Variants in PDE11A observed in about 807,000 individuals in gnomAD.
PDE11A encodes phosphodiesterase 11A.
In PDE11A, 100 loss-of-function variants were observed where a neutral mutation model predicts 100.5. That is an observed-to-expected ratio of 1.00 (90% CI 0.85 to 1.18). The LOEUF is 1.18. Ranked by LOEUF, PDE11A falls within the 50% of genes most tolerant of loss-of-function variation. The pLI is 0.00. For missense variants in PDE11A, 1,141 were observed against 1,152.6 expected (o/e 0.99, Z 0.15); for synonymous variants, 381 against 420.8 (o/e 0.91, Z 1.16).
At chr2:177,957,641 C>T (rs2085581454) in intron 2 of PDE11A, among the ~76,000 whole-genome samples, 1 of 152,158 alleles carries the variant, frequency 6.6e-6, no homozygotes, top group Non-Finnish European at 1.5e-5. Flanking sequence ...GATGGAGGCC[C>T]TCTCTCTTGT....
intron 2 of PDE11A, among the ~76,000 whole-genome samples, chr2:177,957,630 A>G (rs1455042893): frequency 6.6e-6 from 1 of 152,196 alleles, no homozygotes; most frequent in Admixed American, 6.5e-5. Context: ...TAGAGATAAG[A>G]GATGGAGGCC....
intron 10 of PDE11A, among the ~76,000 whole-genome samples, chr2:177,761,619 AG>A (rs1364699186): frequency 6.6e-6 from 1 of 152,224 alleles, no homozygotes; most frequent in East Asian, 1.9e-4. Flanking sequence ...AAGGCAAATG[AG>A]AAGGTCACTT....
chr2:178,055,638 C>T (rs1438526890), intron 1 of PDE11A, among the ~76,000 whole-genome samples: 1 of 152,002 alleles, frequency 6.6e-6, no homozygotes, highest in Non-Finnish European at 1.5e-5. Flanking sequence ...AATGGACCAA[C>T]TAATATTTCT....
At chr2:177,933,638 A>ACC (rs1356766368) in intron 2 of PDE11A, among the ~76,000 whole-genome samples, 4 of 152,066 alleles carry the variant, frequency 2.6e-5, no homozygotes, top group African/African-American at 9.7e-5. Context: ...CCGAGACCAC[A>ACC]CCACTACACT....
chr2:177,769,258 A>C, intron 10 of PDE11A, 65 bp downstream of exon 10: 2 of 891,418 alleles, frequency 2.2e-6, no homozygotes, highest in Non-Finnish European at 3.8e-6. Context: ...GGCATGTGAC[A>C]GAGCTCAGGA....
At chr2:178,008,837 T>C (rs1005123659) in intron 2 of PDE11A, among the ~76,000 whole-genome samples, 8 of 152,012 alleles carry the variant, frequency 5.3e-5, no homozygotes, top group African/African-American at 1.9e-4. Flanking sequence ...CTTTATGGGG[T>C]GGCGGAACAT....
At chr2:177,769,145 G>C (rs1263544284) in intron 10 of PDE11A, among the ~76,000 whole-genome samples, 178 bp downstream of exon 10, 1 of 152,072 alleles carries the variant, frequency 6.6e-6, no homozygotes, top group Non-Finnish European at 1.5e-5. Context: ...TGACTACTCA[G>C]TTATACAAAA....
rs527470865 is a variant in PDE11A, at chr2:177,707,068, T to C, written c.2153+4701A>G. 3.3e-5 allele frequency among the ~76,000 whole-genome samples: 5 copies of C among 152,280 alleles called. No individual in the cohort carries two copies. In the East Asian group the frequency reaches 7.7e-4, roughly 23 times the overall value. On this transcript the variant is annotated intron_variant, in intron 13 of 19. Transcript: ENST00000286063. ...AAACTGGAAGCTCAACAACTCAAAA[T>C]AGATGTCACAAAGTCATGGACCAGA... is the stretch of plus-strand genomic sequence containing the variant.
intron 10 of PDE11A, among the ~76,000 whole-genome samples, chr2:177,745,986 T>A (rs2081942784): frequency 6.6e-6 from 1 of 152,150 alleles, no homozygotes; most frequent in Non-Finnish European, 1.5e-5. Context: ...TCAATGCCTT[T>A]CAATAGTCCT....
chr2:178,096,169 CTT>C (rs71010857), intron 2 of PDE11A, among the ~76,000 whole-genome samples: 2 of 120,060 alleles, frequency 1.7e-5, no homozygotes. Context: ...CTTTTCTTTT[CTT>C]TTTTTTTTTT....
chr2:177,943,993 C>T (rs775157457), intron 2 of PDE11A, among the ~76,000 whole-genome samples: 2 of 152,136 alleles, frequency 1.3e-5, no homozygotes, highest in South Asian at 4.1e-4. Context: ...TTTTAAATGT[C>T]CTTTACACAT....
At chr2:177,822,090 G>T (rs2083150059) in intron 6 of PDE11A, among the ~76,000 whole-genome samples, 1 of 151,764 alleles carries the variant, frequency 6.6e-6, no homozygotes, top group African/African-American at 2.4e-5. Flanking sequence ...TCCCTAATAT[G>T]ATATAGGCAA....
At chr2:177,809,180 G>T (rs2105566385) in intron 9 of PDE11A, among the ~76,000 whole-genome samples, 1 of 152,286 alleles carries the variant, frequency 6.6e-6, no homozygotes, top group South Asian at 2.1e-4. Flanking sequence ...TCTGGAGATG[G>T]ATAGTGGTGA....
chr2:177,857,928 G>A (rs1032619523), intron 5 of PDE11A, among the ~76,000 whole-genome samples: 11 of 151,774 alleles, frequency 7.2e-5, no homozygotes, highest in Admixed American at 2.6e-4. Flanking sequence ...TTTAAAAAAC[G>A]GTTACTAGAG....
At chr2:177,777,112 C>T (rs1425818312) in intron 9 of PDE11A, among the ~76,000 whole-genome samples, 1 of 152,138 alleles carries the variant, frequency 6.6e-6, no homozygotes, top group Admixed American at 6.5e-5. Flanking sequence ...TCAATTAAAC[C>T]TCTTTCCTTT....
At chr2:177,937,337 T>TTTTTTGG in intron 2 of PDE11A, among the ~76,000 whole-genome samples, 1 of 145,974 alleles carries the variant, frequency 6.9e-6, no homozygotes, top group Admixed American at 6.8e-5. Context: ...TTTTTTTTTT[T>TTTTTTGG]GATGGAGTCT....
intron 5 of PDE11A, among the ~76,000 whole-genome samples, chr2:177,872,025 T>C (rs1471383819): frequency 6.6e-6 from 1 of 152,182 alleles, no homozygotes; most frequent in Non-Finnish European, 1.5e-5. Context: ...TCTGGAGGCC[T>C]GGTGAAATCT....
chr2:177,885,294 C>A (rs2084412765), intron 4 of PDE11A, among the ~76,000 whole-genome samples: 1 of 151,834 alleles, frequency 6.6e-6, no homozygotes, highest in Admixed American at 6.6e-5. Context: ...GGTTCTGCAT[C>A]CACAACCAAA....
At chr2:177,782,922 AAAAC>A (rs57261659) in intron 9 of PDE11A, among the ~76,000 whole-genome samples, 109,375 of 150,316 alleles carry the variant, frequency 0.73, 40,646 homozygotes, top group Admixed American at 0.83. Context: ...AAGTTGCATC[AAAAC>A]AAACAAACAA....
Sources: allele counts gnomAD v4.1 joint callset (sites outside exome capture counted in the v4.1 genomes callset), GRCh38; gene constraint gnomAD v4.1.1; transcripts MANE v1.5; gene names NCBI Gene and HGNC (gene_info 2026-07-23, HGNC 2026-07-21).